ADCY3: variants seen among roughly 807,000 people sequenced by gnomAD.
ADCY3 encodes the protein adenylate cyclase 3, also known as adenylate cyclase type 3.
In ADCY3, 70 loss-of-function variants were observed where a neutral mutation model predicts 119.4. The observed-to-expected ratio is 0.59, with a 90% CI of 0.48 to 0.72. The LOEUF is 0.72. Ranked by LOEUF, ADCY3 falls within the 30% of genes least tolerant of loss-of-function variation. The pLI is 0.00. For missense variants in ADCY3, 1,238 were observed against 1,541.6 expected, an observed-to-expected ratio of 0.80 and a Z score of 3.30; for synonymous variants, 672 against 621.4, an observed-to-expected ratio of 1.08 and a Z score of -1.21.
chr2:24,919,147 C>T lies in ADCY3; in HGVS notation c.-160G>A, dbSNP rs1664816025. The T allele has an allele frequency of 5.6e-6, 4 of 715,452 alleles. No homozygotes were observed. The highest frequency in any genetic ancestry group is 3.8e-5 in the South Asian group (2 of 52,682). 44.3% of individuals were successfully genotyped at this position (715,452 alleles called of 1,614,324 possible). A position where few individuals can be genotyped will look rare whatever the true frequency, so the allele number is the denominator to read the frequency against. ...GGCCACCTCCAGCAGGAACGCAGAG[C>T]GGGTTTCCAGAGCACAGGTAGCACT... On this transcript the variant is annotated 5_prime_UTR_variant, in exon 2 of 22. Transcript: ENST00000679454. This position sits in a 1 kb window ranked among gnomAD's most constrained non-coding sequence, Gnocchi z 5.5.
rs769134853 is a variant in ADCY3 at position 24,834,101 on chromosome 2, A to C, written c.1967+384T>G. On this transcript the variant is annotated intron_variant, in intron 11 of 21. Transcript: ENST00000679454. This position sits in a 1 kb window ranked among gnomAD's most constrained non-coding sequence, Gnocchi z 4.2. Reference sequence around the variant, plus strand: ...CCACAGCCTAAAATCTATCTTTACCAAGATGAGCCAAGAGAGGGGCCAGGT... The same window carrying C: ...CCACAGCCTAAAATCTATCTTTACCCAGATGAGCCAAGAGAGGGGCCAGGT... 1.3e-5 allele frequency among the ~76,000 whole-genome samples: 2 copies of C among 152,210 alleles called. No individual in the cohort carries two copies. The highest frequency in any genetic ancestry group is 2.9e-5 in the Non-Finnish European group (2 of 68,026).
At chr2:24,882,585 C>A (rs1209444385) in intron 2 of ADCY3, among the ~76,000 whole-genome samples, 1 of 152,180 alleles carries the variant, frequency 6.6e-6, no homozygotes, top group East Asian at 1.9e-4. Flanking sequence ...TTCTCTAGGC[C>A]AAATAATTCC....
chr2:24,822,812 G>A (rs1667977693), intron 18 of ADCY3, among the ~76,000 whole-genome samples, 182 bp from the exon 19 acceptor site: 1 of 152,066 alleles, frequency 6.6e-6, no homozygotes, highest in South Asian at 2.1e-4. Flanking sequence ...TAACTTTCTG[G>A]GCCTGTTTCC....
At chr2:24,835,813 G>C (rs1051775994) in intron 9 of ADCY3, among the ~76,000 whole-genome samples, 1 of 151,932 alleles carries the variant, frequency 6.6e-6, no homozygotes, top group African/African-American at 2.4e-5. Flanking sequence ...GTACACGCCT[G>C]TAATCACAGC....
rs1671063077 is a variant in ADCY3, at chr2:24,841,940, CCTT to C, written c.957-276_957-274del. Among the ~76,000 whole-genome samples the C allele has an allele frequency of 6.6e-6, 1 of 152,208 alleles. No individual in the cohort carries two copies. Among genetic ancestry groups the C allele is most frequent in the South Asian group, 2.1e-4 (1 of 4,832 alleles). ...CCACTCCTGCCCAGGCTGAACTCAT[CCTT>C]CTTCCTAGAATCACAGGTCAGGGCT... On this transcript the variant is annotated intron_variant, in intron 4 of 21. Transcript: ENST00000679454. The surrounding 1 kb of genome is among the most constrained non-coding windows in gnomAD (Gnocchi z 5.8).
At position 24,919,005 on chromosome 2, in the gene ADCY3, A is replaced by G. The variant is rs1163043321; in HGVS notation, c.-18T>C. On this transcript the variant is annotated 5_prime_UTR_variant, in exon 2 of 22. Transcript: ENST00000679454. This position sits in a 1 kb window ranked among gnomAD's most constrained non-coding sequence, Gnocchi z 5.5. ...CTCGGCATACTGGCTGGTGTCTGCT[A>G]CTGGCCCTAGAGAAGTGGACTGGGA... The G allele has an allele frequency of 1.1e-5, 17 of 1,535,744 alleles. No homozygotes were observed. Among genetic ancestry groups the G allele is most frequent in the Non-Finnish European group, 1.4e-5 (16 of 1,145,380 alleles).
intron 16 of ADCY3, 117 bp downstream of exon 16, chr2:24,825,928 G>A (rs1668557253): frequency 2.1e-6 from 2 of 953,774 alleles, no homozygotes; most frequent in South Asian, 1.4e-5. Flanking sequence ...CACGTGTGGG[G>A]CTGGGTGAAG....
chr2:24,880,991 G>A, intron 2 of ADCY3, among the ~76,000 whole-genome samples: 1 of 150,924 alleles, frequency 6.6e-6, no homozygotes, highest in Non-Finnish European at 1.5e-5. Context: ...CTCCAGCCTG[G>A]GCAATAGAGT....
intron 2 of ADCY3, among the ~76,000 whole-genome samples, chr2:24,893,068 C>T (rs1008716675): frequency 7.2e-6 from 1 of 138,608 alleles, no homozygotes. Context: ...GGGCCTTGCT[C>T]TGTCATGCAA....
At chr2:24,830,955 C>T (rs1283967089) in intron 12 of ADCY3, 130 bp from the exon 13 acceptor site, 2 of 702,518 alleles carry the variant, frequency 2.8e-6, no homozygotes, top group Non-Finnish European at 4.9e-6. Flanking sequence ...GCCTGGGAGT[C>T]ACCTGACAGC....
rs139420185 is a variant in ADCY3, at chr2:24,827,904, G to A, written c.2430C>T (p.His810=). The stretch of plus-strand genomic sequence containing the variant: ...TCCCCAGTCACGCTTCATCTTACTC[G>A]TGCTCCCGAAAACGCTTGTGGTCGT... ...DEYDHKRFRE[H]DLPMVALEQM... is the part of the protein sequence containing the mutation. Residue 810 remains histidine (H), a splice_region_variant and synonymous_variant, in exon 14 of 22, where the codon CAC becomes CAT. Transcript: ENST00000679454. 6.2e-4 allele frequency: 1,007 copies of A among 1,613,982 alleles called. 1 individual carries two copies. The highest frequency in any genetic ancestry group is 7.7e-4 in the Non-Finnish European group (908 of 1,179,958).
intron 2 of ADCY3, among the ~76,000 whole-genome samples, chr2:24,906,740 C>A (rs1301683126): frequency 6.6e-6 from 1 of 152,208 alleles, no homozygotes; most frequent in Non-Finnish European, 1.5e-5. Context: ...GGTATTACCA[C>A]CCCCTGCTCC....
At position 24,836,923 on chromosome 2, in the gene ADCY3, A is replaced by T. The variant is rs763118806; in HGVS notation, c.1656T>A (p.Asp552Glu). ...GSTSEKPEEQ[D>E]AQADNPSFPN... ...CCCTGAGCCCTGCACATACCTGGGC[A>T]TCCTGCTCCTCGGGCTTCTCCGACG... is the stretch of plus-strand genomic sequence containing the variant. The change falls in exon 9 of 22, where the codon GAT becomes GAA. Residue 552 changes from aspartate (D) to glutamate (E), a missense_variant. Transcript: ENST00000679454. The T allele has an allele frequency of 1.1e-5, 17 of 1,612,318 alleles. No individual in the cohort carries two copies. Among genetic ancestry groups the T allele is most frequent in the South Asian group, 4.4e-5 (4 of 90,952 alleles).
At chr2:24,912,488 C>A (rs1314059298) in intron 2 of ADCY3, among the ~76,000 whole-genome samples, 7 of 152,158 alleles carry the variant, frequency 4.6e-5, no homozygotes, top group African/African-American at 1.7e-4. Context: ...GCATCCCAGC[C>A]ATTCCATCTG....
chr2:24,906,179 C>T (rs1679424645), intron 2 of ADCY3, among the ~76,000 whole-genome samples: 2 of 152,172 alleles, frequency 1.3e-5, no homozygotes, highest in African/African-American at 2.4e-5. Flanking sequence ...TGGTGGTGCA[C>T]GCCTGTAATC....
chr2:24,821,686 A>G, intron 19 of ADCY3, 46 bp from the exon 20 acceptor site: 1 of 1,604,514 alleles, frequency 6.2e-7, no homozygotes, highest in East Asian at 2.2e-5. Flanking sequence ...CGCTCACTGC[A>G]GCAGCCTGCT....
Position 24,828,068 on chromosome 2 carries a change from A to AGTT in ADCY3, c.2263_2265dup (p.Asn755dup). On this transcript the variant is annotated inframe_insertion, in exon 14 of 22. Coordinates refer to ENST00000679454, the MANE Select transcript of ADCY3 (RefSeq NM_004036.5). ...GCGATGAGGGACAGCACGGCCACATAGTTGTAATACTTGGGGTTCTCCAGG... is the reference window on the plus strand; with the variant it reads ...GCGATGAGGGACAGCACGGCCACATAGTTGTTGTAATACTTGGGGTTCTCCAGG... 6.2e-7 allele frequency: 1 copy of AGTT among 1,614,182 alleles called. No individual in the cohort carries two copies.
At chr2:24,832,200 G>C (rs1669688496) in intron 11 of ADCY3, 1 of 163,460 alleles carries the variant, frequency 6.1e-6, no homozygotes, top group East Asian at 1.8e-4. Context: ...CTGATGAGAC[G>C]GGCCGCCAGC....
chr2:24,856,863 A>G (rs1039194544), intron 3 of ADCY3, among the ~76,000 whole-genome samples: 1 of 152,232 alleles, frequency 6.6e-6, no homozygotes, highest in Middle Eastern at 3.2e-3. Context: ...CTCCCAGGGC[A>G]GGAGTGCTTC....
Sources: gnomAD v4.1 joint callset for allele counts (sites outside exome capture counted in the v4.1 genomes callset) on GRCh38, gnomAD v4.1.1 for gene constraint, Gnocchi (gnomAD v3.1) non-coding constraint, MANE v1.5 for transcripts, NCBI Gene and HGNC (gene_info 2026-07-23, HGNC 2026-07-21) for gene names.